PDGFD: variants seen among roughly 807,000 people sequenced by gnomAD.
The protein encoded by PDGFD is platelet-derived growth factor D.
Under a neutral mutation model 44.7 loss-of-function variants are expected in PDGFD, and 30 were observed. The ratio of observed to expected loss-of-function variants is 0.67; its 90% CI spans 0.50 to 0.91. The LOEUF is 0.91. Among genes scored for constraint, PDGFD ranks in the 40% least tolerant of loss-of-function variants. The probability of loss-of-function intolerance (pLI) is 0.00; values close to 1 mark genes in which losing one functional copy is unlikely to be tolerated. For missense variants in PDGFD, 445 were observed against 457.8 expected (o/e 0.97, Z 0.25); for synonymous variants, 173 against 168.4 (o/e 1.03, Z -0.21).
intron 1 of PDGFD, among the ~76,000 whole-genome samples, chr11:104,109,411 T>C (rs139378817): frequency 1.5e-3 from 227 of 152,238 alleles, no homozygotes; most frequent in African/African-American, 5.4e-3. Flanking sequence ...AATGAGATGA[T>C]GTGACCCTTG....
chr11:104,055,081 A>T (rs1459137152), intron 1 of PDGFD, among the ~76,000 whole-genome samples: 2 of 152,232 alleles, frequency 1.3e-5, no homozygotes, highest in Non-Finnish European at 2.9e-5. Context: ...GCTTTTACAC[A>T]AATGTCATGT....
intron 1 of PDGFD, among the ~76,000 whole-genome samples, chr11:104,123,044 TG>T (rs1018729887): frequency 6.6e-6 from 1 of 152,080 alleles, no homozygotes; most frequent in African/African-American, 2.4e-5. Flanking sequence ...CTGGGGAGTT[TG>T]TTTTTCCTCT....
chr11:103,964,593 G>A (rs1858986322), intron 3 of PDGFD, among the ~76,000 whole-genome samples: 1 of 152,104 alleles, frequency 6.6e-6, no homozygotes, highest in Non-Finnish European at 1.5e-5. Context: ...GTGGCAAAAT[G>A]TGAACACTGC....
At chr11:104,098,669 C>A (rs962181549) in intron 1 of PDGFD, among the ~76,000 whole-genome samples, 3 of 151,888 alleles carry the variant, frequency 2.0e-5, no homozygotes, top group Non-Finnish European at 2.9e-5. Context: ...CTGCCATGCC[C>A]AGCTAATTTT....
intron 5 of PDGFD, among the ~76,000 whole-genome samples, chr11:103,927,833 G>C (rs1231108816): frequency 6.6e-6 from 1 of 152,094 alleles, no homozygotes; most frequent in East Asian, 1.9e-4. Flanking sequence ...TTATTTAATG[G>C]CTCTGAACTT....
intron 1 of PDGFD, among the ~76,000 whole-genome samples, chr11:104,099,142 G>T (rs1272522655): frequency 6.6e-6 from 1 of 152,116 alleles, no homozygotes; most frequent in Non-Finnish European, 1.5e-5. Context: ...ATTAATTTGA[G>T]CAATCACTAC....
intron 3 of PDGFD, among the ~76,000 whole-genome samples, chr11:103,983,259 A>G (rs987035346): frequency 4.0e-5 from 6 of 151,712 alleles, no homozygotes; most frequent in African/African-American, 1.5e-4. Context: ...ACCACAAAAT[A>G]AGACCACTCA....
chr11:104,150,120 T>A (rs7123807), intron 1 of PDGFD, among the ~76,000 whole-genome samples: 88,678 of 151,914 alleles, frequency 0.58, 26,374 homozygotes, highest in East Asian at 0.72. Context: ...TTGCAACAAA[T>A]TTTTATGGAA....
chr11:104,030,860 C>T (rs964316078), intron 1 of PDGFD, among the ~76,000 whole-genome samples: 1 of 152,120 alleles, frequency 6.6e-6, no homozygotes, highest in Admixed American at 6.5e-5. Flanking sequence ...TGGACAGTCC[C>T]ATTCACTCCC....
In PDGFD at chr11:104,037,709, A is replaced by G. The variant is rs200326028; in HGVS notation, c.125-37454T>C. 2.7e-4 allele frequency: 432 copies of G among 1,614,032 alleles called. No individual in the cohort carries two copies. Among genetic ancestry groups the G allele is most frequent in the Non-Finnish European group, 3.4e-4 (407 of 1,180,040 alleles). On this transcript the variant is annotated intron_variant, in intron 1 of 6. Transcript: ENST00000393158. ...GGGGTTGCTAAAGGAGTGGGCACACAGAGAATTATTGGCCGTGTTCATCTA... is the reference window on the plus strand; with the variant it reads ...GGGGTTGCTAAAGGAGTGGGCACACGGAGAATTATTGGCCGTGTTCATCTA...
chr11:103,988,018 T>A (rs186091335), intron 3 of PDGFD, among the ~76,000 whole-genome samples: 1 of 152,284 alleles, frequency 6.6e-6, no homozygotes, highest in Admixed American at 6.5e-5. Flanking sequence ...TCAGACATAT[T>A]TGTTGAATTT....
At chr11:104,038,982 G>C (rs922407587) in intron 1 of PDGFD, 2 of 167,028 alleles carry the variant, frequency 1.2e-5, no homozygotes, top group African/African-American at 4.8e-5. Flanking sequence ...TGAATGAGAA[G>C]ATCTCTAAGG....
chr11:104,065,686 G>C (rs1352770559), intron 1 of PDGFD, among the ~76,000 whole-genome samples: 1 of 152,092 alleles, frequency 6.6e-6, no homozygotes, highest in Non-Finnish European at 1.5e-5. Flanking sequence ...TTCAACCTTT[G>C]GGTAATGTCA....
intron 1 of PDGFD, among the ~76,000 whole-genome samples, chr11:104,098,192 A>G (rs189580908): frequency 3.9e-5 from 6 of 152,260 alleles, no homozygotes; most frequent in Admixed American, 3.9e-4. Flanking sequence ...GGTGCCTACT[A>G]TGTGTATGAC....
intron 3 of PDGFD, among the ~76,000 whole-genome samples, chr11:103,976,011 G>GT (rs1488052349): frequency 6.6e-6 from 1 of 152,012 alleles, no homozygotes; most frequent in Non-Finnish European, 1.5e-5. Flanking sequence ...ATTTAAAGTA[G>GT]TTTTTTTCTA....
chr11:104,112,776 A>T (rs1294241782), intron 1 of PDGFD, among the ~76,000 whole-genome samples: 1 of 152,154 alleles, frequency 6.6e-6, no homozygotes, highest in Admixed American at 6.6e-5. Context: ...CAGGAACAGG[A>T]AAACAAATAA....
At chr11:104,129,474 A>G (rs1221867078) in intron 1 of PDGFD, among the ~76,000 whole-genome samples, 1 of 152,124 alleles carries the variant, frequency 6.6e-6, no homozygotes, top group Non-Finnish European at 1.5e-5. Context: ...TGTCTCCAGG[A>G]GCAGGTTCTC....
intron 1 of PDGFD, among the ~76,000 whole-genome samples, chr11:104,140,990 T>C (rs150896096): frequency 6.6e-6 from 1 of 152,370 alleles, no homozygotes; most frequent in East Asian, 1.9e-4. Context: ...TTAATGTTGC[T>C]GCCCAGCAGC....
chr11:103,910,681 C>T (rs1235745036), intron 6 of PDGFD, among the ~76,000 whole-genome samples: 1 of 152,214 alleles, frequency 6.6e-6, no homozygotes, highest in African/African-American at 2.4e-5. Flanking sequence ...GCCATTTGGA[C>T]AGACACCGAG....
Sources: gnomAD v4.1 joint callset for allele counts (sites outside exome capture counted in the v4.1 genomes callset) on GRCh38, gnomAD v4.1.1 for gene constraint, MANE v1.5 for transcripts, NCBI Gene and HGNC (gene_info 2026-07-23, HGNC 2026-07-21) for gene names.